The following RGS6 variants were observed in gnomAD, a reference collection of about 807,000 sequenced individuals.
RGS6 encodes regulator of G protein signaling 6.
RGS6 carries 30 observed loss-of-function variants against 78.5 expected under a neutral mutation model. That is an observed-to-expected ratio of 0.38 (90% CI 0.29 to 0.52). The LOEUF (loss-of-function observed/expected upper bound fraction) is 0.52, where lower values mean the gene tolerates loss of function less well. Among genes scored for constraint, RGS6 ranks in the 20% least tolerant of loss-of-function variants. The pLI, the probability that RGS6 is intolerant of heterozygous loss-of-function variation, is 0.85. For synonymous variants in RGS6, 206 were observed against 206.0 expected, an observed-to-expected ratio of 1.00 and a Z score of 0.00; for missense variants, 495 against 609.7, an observed-to-expected ratio of 0.81 and a Z score of 1.98.
the RGS6 span, among the ~76,000 whole-genome samples, chr14:72,615,834 G>A: frequency 6.6e-6 from 1 of 152,194 alleles, no homozygotes; most frequent in South Asian, 2.1e-4. Flanking sequence ...TGCCTGCACT[G>A]GATTTGCTAC....
At chr14:72,314,025 T>C (rs1332160085) in intron 2 of RGS6, among the ~76,000 whole-genome samples, 1 of 152,220 alleles carries the variant, frequency 6.6e-6, no homozygotes, top group Non-Finnish European at 1.5e-5. Context: ...TTATGCATTA[T>C]TTTATTCAGC....
intron 3 of RGS6, among the ~76,000 whole-genome samples, chr14:72,377,308 A>T (rs1013585517): frequency 6.6e-6 from 1 of 152,244 alleles, no homozygotes; most frequent in Non-Finnish European, 1.5e-5. Context: ...AGACAAGGGC[A>T]TTATATGATG....
the RGS6 span, among the ~76,000 whole-genome samples, chr14:72,624,984 T>G: frequency 6.6e-6 from 1 of 152,200 alleles, no homozygotes; most frequent in African/African-American, 2.4e-5. Context: ...GTGTCTGCCA[T>G]TTTTTTCACT....
chr14:71,925,167 T>G, the RGS6 span, among the ~76,000 whole-genome samples: 1 of 152,234 alleles, frequency 6.6e-6, no homozygotes, highest in East Asian at 1.9e-4. Flanking sequence ...GATGATTTAA[T>G]GATGTGGAAC....
chr14:71,871,280 A>G, the RGS6 span, among the ~76,000 whole-genome samples: 1 of 152,156 alleles, frequency 6.6e-6, no homozygotes, highest in African/African-American at 2.4e-5. Flanking sequence ...ATCCCAAACC[A>G]GGGCATTTTC....
chr14:72,262,842 C>T (rs564737756), intron 2 of RGS6, among the ~76,000 whole-genome samples: 9 of 152,204 alleles, frequency 5.9e-5, no homozygotes, highest in South Asian at 2.1e-4. Context: ...GATCCAGGGT[C>T]GATGTCATCA....
chr14:71,881,417 C>T, the RGS6 span, among the ~76,000 whole-genome samples: 2 of 152,172 alleles, frequency 1.3e-5, no homozygotes, highest in African/African-American at 4.8e-5. Flanking sequence ...CCACCCAAAT[C>T]TCATCTTGTA....
chr14:71,871,457 G>A, the RGS6 span, among the ~76,000 whole-genome samples: 78 of 152,230 alleles, frequency 5.1e-4, no homozygotes, highest in South Asian at 1.0e-3. Context: ...TCCTCAGAAC[G>A]TACACTGTGT....
chr14:71,975,025 A>C (rs2094031846), intron 2 of RGS6, among the ~76,000 whole-genome samples: 1 of 152,216 alleles, frequency 6.6e-6, no homozygotes, highest in African/African-American at 2.4e-5. Flanking sequence ...ATGTTAGTAC[A>C]TGCCTGTAGT....
the RGS6 span, among the ~76,000 whole-genome samples, chr14:72,579,116 C>G: frequency 6.6e-6 from 1 of 152,204 alleles, no homozygotes; most frequent in African/African-American, 2.4e-5. Context: ...CTGTCTCTCT[C>G]TCTCTCTTTT....
At chr14:72,263,776 T>C (rs1275050406) in intron 2 of RGS6, among the ~76,000 whole-genome samples, 1 of 152,186 alleles carries the variant, frequency 6.6e-6, no homozygotes, top group Admixed American at 6.5e-5. Context: ...CTTCCCAGTC[T>C]CCAGAACTGT....
At chr14:72,176,109 G>T (rs1473973948) in intron 2 of RGS6, among the ~76,000 whole-genome samples, 1 of 152,200 alleles carries the variant, frequency 6.6e-6, no homozygotes, top group Non-Finnish European at 1.5e-5. Flanking sequence ...CTGAGTCCCT[G>T]TGATTTTTCC....
At chr14:72,092,026 GT>G (rs2095284286) in intron 2 of RGS6, among the ~76,000 whole-genome samples, 1 of 151,684 alleles carries the variant, frequency 6.6e-6, no homozygotes, top group Non-Finnish European at 1.5e-5. Context: ...GTTTTGTTTT[GT>G]TTTGTTTTGT....
At chr14:72,328,503 A>C (rs1485401898) in intron 2 of RGS6, among the ~76,000 whole-genome samples, 1 of 152,216 alleles carries the variant, frequency 6.6e-6, no homozygotes, top group Non-Finnish European at 1.5e-5. Context: ...CAATGGCCCA[A>C]ATCACTAGAT....
At chr14:72,407,918 A>G (rs749753924) in intron 3 of RGS6, among the ~76,000 whole-genome samples, 2 of 152,214 alleles carry the variant, frequency 1.3e-5, no homozygotes, top group African/African-American at 2.4e-5. Context: ...AAGGAGCCCT[A>G]TATTGGAAAC....
chr14:72,419,532 G>A (rs996260227), intron 3 of RGS6, among the ~76,000 whole-genome samples: 1 of 152,166 alleles, frequency 6.6e-6, no homozygotes, highest in Non-Finnish European at 1.5e-5. Context: ...TGTTTAAGTC[G>A]AGCCCAGATG....
upstream of RGS6, among the ~76,000 whole-genome samples, chr14:71,932,275 G>T (rs1455711761): frequency 6.6e-6 from 1 of 151,788 alleles, no homozygotes; most frequent in Middle Eastern, 3.4e-3. Context: ...CTCAGGTGCC[G>T]GTCCCCGCCC....
chr14:72,611,591 C>A, the RGS6 span, among the ~76,000 whole-genome samples: 1,288 of 152,262 alleles, frequency 8.5e-3, 21 homozygotes, highest in African/African-American at 0.029. Context: ...TCTGATCAGG[C>A]CCTGCCAGTT....
At chr14:71,888,788 A>C in the RGS6 span, among the ~76,000 whole-genome samples, 1 of 152,198 alleles carries the variant, frequency 6.6e-6, no homozygotes, top group Non-Finnish European at 1.5e-5. Flanking sequence ...GAGTCAGCTG[A>C]GCTGACTCAA....
Sources: gnomAD v4.1 joint callset for allele counts (sites outside exome capture counted in the v4.1 genomes callset) on GRCh38, gnomAD v4.1.1 for gene constraint, MANE v1.5 for transcripts, NCBI Gene and HGNC (gene_info 2026-07-23, HGNC 2026-07-21) for gene names.